EYS: variants seen among roughly 807,000 people sequenced by gnomAD.
EYS encodes EGF-like photoreceptor maintenance factor, also known as protein eyes shut homolog.
Under a neutral mutation model 282.1 loss-of-function variants are expected in EYS, and 250 were observed. The observed-to-expected ratio is 0.89, with a 90% CI of 0.80 to 0.98. The LOEUF (loss-of-function observed/expected upper bound fraction) is 0.98. Ranked by LOEUF, EYS falls within the 50% of genes least tolerant of loss-of-function variation. The pLI, the probability that EYS is intolerant of heterozygous loss-of-function variation, is 0.00. For synonymous variants in EYS, 1,355 were observed against 1,282.9 expected (o/e 1.06, Z -1.20); for missense variants, 4,016 against 3,709.0 (o/e 1.08, Z -2.15).
At chr6:64,354,662 C>G (rs192301575) in intron 29 of EYS, among the ~76,000 whole-genome samples, 3 of 151,572 alleles carry the variant, frequency 2.0e-5, no homozygotes. Flanking sequence ...TTAATTGTCT[C>G]TGCATACTAT....
intron 36 of EYS, among the ~76,000 whole-genome samples, chr6:63,862,305 T>C (rs1362621738): frequency 6.6e-6 from 1 of 152,230 alleles, no homozygotes; most frequent in Non-Finnish European, 1.5e-5. Context: ...AGAAGTCTTA[T>C]CTTTCTTGAC....
At chr6:64,253,430 C>T (rs1287346677) in intron 30 of EYS, among the ~76,000 whole-genome samples, 1 of 152,144 alleles carries the variant, frequency 6.6e-6, no homozygotes, top group African/African-American at 2.4e-5. Flanking sequence ...AAATTGGCAT[C>T]ATAGTTTACA....
At chr6:64,025,182 G>T (rs949747321) in intron 33 of EYS, among the ~76,000 whole-genome samples, 1 of 152,054 alleles carries the variant, frequency 6.6e-6, no homozygotes, top group Non-Finnish European at 1.5e-5. Flanking sequence ...TAAAGACACG[G>T]GTGCCAGGCT....
intron 29 of EYS, among the ~76,000 whole-genome samples, chr6:64,386,174 C>T (rs1464176108): frequency 6.6e-6 from 1 of 152,186 alleles, no homozygotes; most frequent in Non-Finnish European, 1.5e-5. Context: ...ACACAAAGGA[C>T]TGATGGATTA....
intron 2 of EYS, among the ~76,000 whole-genome samples, chr6:65,549,703 A>C (rs932105905): frequency 1.1e-4 from 16 of 152,244 alleles, no homozygotes; most frequent in Non-Finnish European, 1.5e-5. Context: ...CTGCTGGGAT[A>C]ACATATGATA....
intron 2 of EYS, among the ~76,000 whole-genome samples, chr6:65,578,017 G>A (rs1296791651): frequency 6.6e-6 from 1 of 151,788 alleles, no homozygotes; most frequent in Non-Finnish European, 1.5e-5. Flanking sequence ...AAACAGTGTG[G>A]AGGTTTCTCA....
chr6:63,762,305 C>T (rs534104073), intron 41 of EYS, among the ~76,000 whole-genome samples, 156 bp downstream of exon 41: 1 of 152,160 alleles, frequency 6.6e-6, no homozygotes, highest in African/African-American at 2.4e-5. Flanking sequence ...ACTAGTCTAT[C>T]TGTGAAGTAT....
Position 65,400,504 on chromosome 6 carries a change from A to G in EYS, c.1184+1974T>C, listed in dbSNP as rs530676245. Among the ~76,000 whole-genome samples, 6 of 151,924 alleles carry G rather than the reference A, an allele frequency of 3.9e-5. 1 individual carries two copies. In the South Asian group the frequency reaches 1.2e-3, roughly 32 times the overall value. ...CTTTACAACTCCTTCTGCTCATAAT[A>G]ATAACATTTTTATGCTAACTTCCCA... On this transcript the variant is annotated intron_variant, in intron 7 of 42. Coordinates refer to ENST00000503581, the MANE Select transcript of EYS (RefSeq NM_001142800.2).
intron 2 of EYS, among the ~76,000 whole-genome samples, chr6:65,533,901 T>C (rs892517936): frequency 6.6e-6 from 1 of 152,132 alleles, no homozygotes; most frequent in Non-Finnish European, 1.5e-5. Flanking sequence ...GATATTGCCT[T>C]TGTCCGAGGT....
intron 42 of EYS, among the ~76,000 whole-genome samples, chr6:63,725,021 A>G (rs781545981): frequency 6.6e-5 from 10 of 152,204 alleles, no homozygotes; most frequent in Non-Finnish European, 8.8e-5. Flanking sequence ...AACTTGTTAT[A>G]TCACTTGATT....
rs149568304 is a variant in EYS at position 64,307,105 on chromosome 6, G to T, written c.6079-23C>A. ...CATCTGAGAGAGAGAGAGAGAGAGA[G>T]AAGTAGAGATAATTTAAATGATTTT... On this transcript the variant is annotated intron_variant, in intron 29 of 42. Transcript: ENST00000503581. The T allele has an allele frequency of 7.6e-3, 6,539 of 864,578 alleles. 116 individuals are homozygous for T. The highest frequency in any genetic ancestry group is 0.052 in the African/African-American group (2,973 of 57,374). The allele number at this position is 864,578 out of a possible 1,614,324, so 53.6% of individuals were successfully genotyped here. A position where few individuals can be genotyped will look rare whatever the true frequency, so the allele number is the denominator to read the frequency against.
intron 26 of EYS, among the ~76,000 whole-genome samples, chr6:64,476,775 A>C (rs1052297550): frequency 2.6e-5 from 4 of 152,180 alleles, no homozygotes; most frequent in African/African-American, 7.2e-5. Flanking sequence ...ACACTTGTAT[A>C]AATTTTCTGA....
chr6:63,942,566 C>A (rs926004187), intron 35 of EYS, among the ~76,000 whole-genome samples: 2 of 152,078 alleles, frequency 1.3e-5, no homozygotes, highest in Non-Finnish European at 2.9e-5. Flanking sequence ...GAAAACAAAT[C>A]GACATTAAAC....
chr6:64,835,709 C>A (rs920980507), intron 19 of EYS, among the ~76,000 whole-genome samples: 1 of 151,534 alleles, frequency 6.6e-6, no homozygotes. Context: ...TGGGTTTCAA[C>A]ACATAGAGTC....
chr6:65,471,014 G>A (rs1173471253), intron 5 of EYS, among the ~76,000 whole-genome samples: 1 of 151,986 alleles, frequency 6.6e-6, no homozygotes, highest in Non-Finnish European at 1.5e-5. Flanking sequence ...GCACGCACCT[G>A]TAATCCCAAC....
At chr6:65,035,210 C>G (rs1292086841) in intron 13 of EYS, among the ~76,000 whole-genome samples, 1 of 152,168 alleles carries the variant, frequency 6.6e-6, no homozygotes, top group East Asian at 1.9e-4. Context: ...AAGGAATATA[C>G]TTCAAAATAC....
At chr6:64,916,094 T>C (rs986824892) in intron 15 of EYS, among the ~76,000 whole-genome samples, 1 of 152,180 alleles carries the variant, frequency 6.6e-6, no homozygotes, top group Non-Finnish European at 1.5e-5. Context: ...ACTCAGTTAA[T>C]ATACTATGGC....
chr6:64,192,372 G>T (rs2150317208), intron 31 of EYS, among the ~76,000 whole-genome samples: 1 of 152,208 alleles, frequency 6.6e-6, no homozygotes, highest in East Asian at 1.9e-4. Flanking sequence ...TGTTGCCATT[G>T]CTTTTGGTGT....
intron 19 of EYS, among the ~76,000 whole-genome samples, chr6:64,884,755 T>G (rs1767035363): frequency 6.6e-6 from 1 of 151,662 alleles, no homozygotes; most frequent in African/African-American, 2.4e-5. Context: ...TGTCCAGTCA[T>G]GTATCTTTCT....
Sources: gnomAD v4.1 joint callset for allele counts (sites outside exome capture counted in the v4.1 genomes callset) on GRCh38, gnomAD v4.1.1 for gene constraint, MANE v1.5 for transcripts, NCBI Gene and HGNC (gene_info 2026-07-23, HGNC 2026-07-21) for gene names.